Variants in ZNF407 observed in about 807,000 individuals in gnomAD.
ZNF407 encodes zinc finger protein 407.
ZNF407 carries 17 observed loss-of-function variants against 131.2 expected under a neutral mutation model. The ratio of observed to expected loss-of-function variants is 0.13; its 90% CI spans 0.09 to 0.19. ZNF407 has a LOEUF of 0.19. Among genes scored for constraint, ZNF407 ranks in the 10% least tolerant of loss-of-function variants. The pLI is 1.00. For missense variants in ZNF407, 2,681 were observed against 2,830.6 expected, an observed-to-expected ratio of 0.95 and a Z score of 1.20; for synonymous variants, 1,156 against 1,062.0, an observed-to-expected ratio of 1.09 and a Z score of -1.72.
chr18:74,617,663 CAG>C (rs1804212572), intron 1 of ZNF407, among the ~76,000 whole-genome samples: 4 of 152,140 alleles, frequency 2.6e-5, no homozygotes, highest in South Asian at 4.1e-4. Context: ...ATGCCCTTCT[CAG>C]GGGGTCACGT....
chr18:75,048,131 C>T lies in ZNF407; in HGVS notation c.5429-15019C>T, dbSNP rs1460933750. Among the ~76,000 whole-genome samples the T allele has an allele frequency of 1.2e-4, 18 of 152,208 alleles. No homozygotes were observed. On this transcript the variant is annotated intron_variant, in intron 8 of 8. Transcript: ENST00000299687. The surrounding 1 kb of genome is among the most constrained non-coding windows in gnomAD (Gnocchi z 4.1). ...ATGACCAGAATCATAGACTCAGATCCTAATGCAGCTGAAGCTGACACCTGT... is the reference window on the plus strand; with the variant it reads ...ATGACCAGAATCATAGACTCAGATCTTAATGCAGCTGAAGCTGACACCTGT...
chr18:75,014,374 C>T (rs78383868), intron 8 of ZNF407, among the ~76,000 whole-genome samples: 177 of 152,070 alleles, frequency 1.2e-3, no homozygotes, highest in African/African-American at 3.9e-3. Flanking sequence ...TGGCTGACAC[C>T]GAGTGCCCCC....
At chr18:74,696,916 G>A (rs756288057) in intron 3 of ZNF407, among the ~76,000 whole-genome samples, 1 of 152,010 alleles carries the variant, frequency 6.6e-6, no homozygotes, top group East Asian at 1.9e-4. Context: ...ATGGAGGTTG[G>A]CACATAAAAA....
intron 3 of ZNF407, among the ~76,000 whole-genome samples, chr18:74,750,523 T>C (rs544435265): frequency 4.6e-5 from 7 of 152,340 alleles, no homozygotes; most frequent in Admixed American, 1.3e-4. Context: ...CATGATTCAT[T>C]CATGTCATAG....
At position 75,007,781 on chromosome 18, in the gene ZNF407, A is replaced by C. The variant is rs185907515; in HGVS notation, c.5429-55369A>C. ...AGAGTTCTTAACCTAGCAGAAGAGG[A>C]AAATATGTTCACAGGTAATGACACT... On this transcript the variant is annotated intron_variant, in intron 8 of 8. Coordinates refer to ENST00000299687, the MANE Select transcript of ZNF407 (RefSeq NM_017757.3). 7.9e-5 allele frequency among the ~76,000 whole-genome samples: 12 copies of C among 152,310 alleles called. No individual in the cohort carries two copies. In the East Asian group the frequency reaches 2.3e-3, roughly 29 times the overall value.
chr18:74,765,894 T>G (rs1969218528), intron 3 of ZNF407, among the ~76,000 whole-genome samples: 1 of 152,014 alleles, frequency 6.6e-6, no homozygotes, highest in Non-Finnish European at 1.5e-5. Flanking sequence ...TTTTTTGGAT[T>G]TTTTTTTAAT....
Position 75,004,184 on chromosome 18 carries a change from C to T in ZNF407, c.5429-58966C>T, listed in dbSNP as rs115044854. ...TGCGCCATGGCCTCTCCGCGGTGCA[C>T]GTCGTAGCACCGGTGTTAAGTGGCA... On this transcript the variant is annotated intron_variant, in intron 8 of 8. Transcript: ENST00000299687. Among the ~76,000 whole-genome samples the T allele has an allele frequency of 8.0e-3, 1,210 of 152,200 alleles. 10 individuals carry two copies. The highest frequency in any genetic ancestry group is 0.022 in the African/African-American group (914 of 41,512).
intron 4 of ZNF407, among the ~76,000 whole-genome samples, chr18:74,788,244 G>A (rs1057299353): frequency 1.3e-5 from 2 of 152,090 alleles, no homozygotes; most frequent in South Asian, 4.1e-4. Flanking sequence ...TAATTCAAGG[G>A]CAGTTTTGCA....
In ZNF407 at chr18:74,998,093, C is replaced by G. The variant is rs111598156; in HGVS notation, c.5429-65057C>G. 1.1e-3 allele frequency among the ~76,000 whole-genome samples: 162 copies of G among 152,276 alleles called. 1 individual carries two copies. Among genetic ancestry groups the G allele is most frequent in the African/African-American group, 3.7e-3 (152 of 41,546 alleles). ...GCTGCCAGTGGGACCGCTGCACCCA[C>G]GGGCTCACCAGTCATCCAAGGAGGG... On this transcript the variant is annotated intron_variant, in intron 8 of 8. Coordinates refer to ENST00000299687, the MANE Select transcript of ZNF407 (RefSeq NM_017757.3).
At chr18:74,804,826 G>A (rs1346937786) in intron 4 of ZNF407, among the ~76,000 whole-genome samples, 1 of 152,172 alleles carries the variant, frequency 6.6e-6, no homozygotes. Flanking sequence ...CTAAGCATGT[G>A]CTTGCTTTCT....
At position 74,634,674 on chromosome 18, in the gene ZNF407, A is replaced by G. The variant is rs1389535675; in HGVS notation, c.3655A>G (p.Ile1219Val). The stretch of plus-strand genomic sequence containing the variant: ...TGAGACAGCAAAGAAAAACCATGAG[A>G]TATCGAATGATGCAGGTGAGCTGCG... ...NCETAKKNHE[I>V]SNDAGELRVH... The change falls in exon 2 of 9, where the codon ATA (isoleucine) becomes GTA (valine). Residue 1219 changes from isoleucine (I) to valine (V), a missense_variant. Physicochemically the swap from Ile to Val is conservative, Grantham distance 29 (BLOSUM62 3). Transcript: ENST00000299687. 1.2e-6 allele frequency: 2 copies of G among 1,614,026 alleles called. No homozygotes were observed. Among genetic ancestry groups the G allele is most frequent in the Admixed American group, 1.7e-5 (1 of 60,018 alleles).
At chr18:74,988,238 A>G (rs1972676631) in intron 8 of ZNF407, among the ~76,000 whole-genome samples, 1 of 152,210 alleles carries the variant, frequency 6.6e-6, no homozygotes, top group African/African-American at 2.4e-5. Context: ...CCCTTACACC[A>G]TTCAAAAAAT....
At chr18:74,714,418 T>G (rs1361380040) in intron 3 of ZNF407, among the ~76,000 whole-genome samples, 1 of 152,240 alleles carries the variant, frequency 6.6e-6, no homozygotes, top group Non-Finnish European at 1.5e-5. Flanking sequence ...GAAAGACACA[T>G]TTATGAATTT....
intron 8 of ZNF407, among the ~76,000 whole-genome samples, chr18:75,044,931 G>C (rs1973415857): frequency 1.3e-5 from 2 of 152,056 alleles, no homozygotes. Flanking sequence ...TAAACACGTT[G>C]GTGCAAATTC....
intron 4 of ZNF407, among the ~76,000 whole-genome samples, chr18:74,870,461 C>A (rs748692574): frequency 6.6e-6 from 1 of 152,130 alleles, no homozygotes; most frequent in Non-Finnish European, 1.5e-5. Flanking sequence ...ACACTAGAGC[C>A]TTAGAGTTGA....
chr18:74,963,208 T>C (rs1271028981), intron 8 of ZNF407, among the ~76,000 whole-genome samples: 2 of 151,016 alleles, frequency 1.3e-5, no homozygotes, highest in East Asian at 2.0e-4. Context: ...CAACAAACCA[T>C]TGGGTTATGC....
At chr18:74,896,877 A>G (rs1042408918) in intron 7 of ZNF407, among the ~76,000 whole-genome samples, 1 of 152,122 alleles carries the variant, frequency 6.6e-6, no homozygotes, top group African/African-American at 2.4e-5. Context: ...TTTTCTGACA[A>G]TTCTTTGCAG....
chr18:74,942,609 C>T (rs1483488231), intron 8 of ZNF407, among the ~76,000 whole-genome samples: 1 of 152,178 alleles, frequency 6.6e-6, no homozygotes, highest in Non-Finnish European at 1.5e-5. Context: ...TTTTATAAGG[C>T]AGTTGGTGCC....
intron 3 of ZNF407, among the ~76,000 whole-genome samples, chr18:74,780,906 C>T (rs888975966): frequency 6.6e-6 from 1 of 151,954 alleles, no homozygotes; most frequent in Non-Finnish European, 1.5e-5. Context: ...TATCTAGGTA[C>T]TTCAATATAA....
Sources: gnomAD v4.1 joint callset for allele counts (sites outside exome capture counted in the v4.1 genomes callset) on GRCh38, gnomAD v4.1.1 for gene constraint, Gnocchi (gnomAD v3.1) non-coding constraint, MANE v1.5 for transcripts, NCBI Gene and HGNC (gene_info 2026-07-23, HGNC 2026-07-21) for gene names.